The following TRMT11 variants were observed in gnomAD, a reference collection of about 807,000 sequenced individuals.
TRMT11 encodes the protein tRNA methyltransferase 11.
Under a neutral mutation model 62.8 loss-of-function variants are expected in TRMT11, and 53 were observed. The ratio of observed to expected loss-of-function variants is 0.84; its 90% CI spans 0.68 to 1.06. TRMT11 has a LOEUF of 1.06. Ranked by LOEUF, TRMT11 falls within the 50% of genes least tolerant of loss-of-function variation. The pLI is 0.00. For synonymous variants in TRMT11, 188 were observed against 190.3 expected (o/e 0.99, Z 0.10); for missense variants, 556 against 553.4 (o/e 1.00, Z -0.05).
At chr6:126,036,589 A>G (rs949092846) in intron 12 of TRMT11, among the ~76,000 whole-genome samples, 1 of 152,102 alleles carries the variant, frequency 6.6e-6, no homozygotes, top group East Asian at 1.9e-4. Context: ...GATGGGGAAC[A>G]ATGCCAAGAA....
intron 17 of TRMT11, among the ~76,000 whole-genome samples, chr6:126,095,840 G>T (rs1414524998): frequency 6.6e-6 from 1 of 152,180 alleles, no homozygotes; most frequent in Non-Finnish European, 1.5e-5. Flanking sequence ...AAGAGAGAAG[G>T]AGAGAGCTTT....
At chr6:126,238,283 G>A in the TRMT11 span, among the ~76,000 whole-genome samples, 1 of 152,110 alleles carries the variant, frequency 6.6e-6, no homozygotes, top group African/African-American at 2.4e-5. Context: ...TGCTTCTCTA[G>A]TACTTTTAAT....
intron 17 of TRMT11, among the ~76,000 whole-genome samples, chr6:126,095,041 A>G (rs1459471435): frequency 1.3e-5 from 2 of 152,190 alleles, no homozygotes; most frequent in Non-Finnish European, 2.9e-5. Flanking sequence ...CTACATTAAG[A>G]CGAACTATGA....
intron 3 of TRMT11, among the ~76,000 whole-genome samples, chr6:125,997,640 T>TG (rs1190367714): frequency 6.6e-6 from 1 of 152,192 alleles, no homozygotes; most frequent in Non-Finnish European, 1.5e-5. Context: ...CCCAAGTAGC[T>TG]GGGGCTATGG....
Position 126,093,618 on chromosome 6 carries a change from TATA to T in TRMT11, c.*1438-19247_*1438-19245del, listed in dbSNP as rs1261412121. Among the ~76,000 whole-genome samples, 287 of 95,462 alleles carry T rather than the reference TATA, an allele frequency of 3.0e-3. 21 individuals carry two copies. The highest frequency in any genetic ancestry group is 0.013 in the African/African-American group (197 of 15,180). The allele number at this position is 95,462 out of a possible 152,430, so 62.6% of individuals were successfully genotyped here. A position where few individuals can be genotyped will look rare whatever the true frequency, so the allele number is the denominator to read the frequency against. ...ATATATATATATATATATATATATA[TATA>T]TATATATATATTTTCCCCCAGTCCT... On this transcript the variant is annotated intron_variant and NMD_transcript_variant, in intron 17 of 22. Transcript: ENST00000648977.
chr6:126,119,081 C>A (rs1777619640), intron 21 of TRMT11, among the ~76,000 whole-genome samples: 1 of 152,070 alleles, frequency 6.6e-6, no homozygotes, highest in Non-Finnish European at 1.5e-5. Flanking sequence ...ATATGCCATT[C>A]ACTTCCCATA....
At chr6:126,096,895 A>G (rs1444386799) in intron 17 of TRMT11, among the ~76,000 whole-genome samples, 1 of 152,228 alleles carries the variant, frequency 6.6e-6, no homozygotes, top group Non-Finnish European at 1.5e-5. Context: ...GAAGCTCATT[A>G]TAACAGAAAT....
intron 1 of TRMT11, among the ~76,000 whole-genome samples, chr6:126,188,057 A>G (rs977294395): frequency 2.6e-5 from 4 of 151,852 alleles, no homozygotes; most frequent in Non-Finnish European, 5.9e-5. Flanking sequence ...GAGGTAGCCA[A>G]TGATTTTTTA....
At chr6:126,258,167 T>C in the TRMT11 span, 1 of 726,866 alleles carries the variant, frequency 1.4e-6, no homozygotes, top group Non-Finnish European at 2.6e-6. Context: ...TGAGGCACTT[T>C]GTAGCTCCTT....
At chr6:126,242,101 T>G in the TRMT11 span, among the ~76,000 whole-genome samples, 1 of 152,136 alleles carries the variant, frequency 6.6e-6, no homozygotes, top group Non-Finnish European at 1.5e-5. Flanking sequence ...GGATACAAAA[T>G]CAATGTGCAA....
At chr6:126,150,726 G>A (rs574108118) in intron 21 of TRMT11, among the ~76,000 whole-genome samples, 3 of 152,204 alleles carry the variant, frequency 2.0e-5, no homozygotes, top group East Asian at 3.9e-4. Context: ...GTGTTTCAGC[G>A]GCCATTAAAA....
chr6:126,235,179 C>T, the TRMT11 span, among the ~76,000 whole-genome samples: 1 of 152,086 alleles, frequency 6.6e-6, no homozygotes, highest in Non-Finnish European at 1.5e-5. Flanking sequence ...GTCAGAATGG[C>T]TATTACTAAA....
intron 3 of TRMT11, among the ~76,000 whole-genome samples, chr6:126,200,284 G>A (rs1778719727): frequency 6.6e-6 from 1 of 152,212 alleles, no homozygotes. Flanking sequence ...CTGGAAGCTT[G>A]AAGAAAGCAA....
chr6:126,153,375 T>C (rs1223731109), intron 21 of TRMT11, among the ~76,000 whole-genome samples: 1 of 152,222 alleles, frequency 6.6e-6, no homozygotes, highest in African/African-American at 2.4e-5. Flanking sequence ...TAGGCAAAAT[T>C]TGACATTGAA....
chr6:126,130,966 C>T (rs566802769), intron 21 of TRMT11, among the ~76,000 whole-genome samples: 1 of 152,066 alleles, frequency 6.6e-6, no homozygotes, highest in African/African-American at 2.4e-5. Context: ...TATCTATTAG[C>T]CTTCAGGAGA....
At chr6:126,132,147 T>C (rs1179323670) in intron 21 of TRMT11, among the ~76,000 whole-genome samples, 2 of 152,094 alleles carry the variant, frequency 1.3e-5, no homozygotes, top group Non-Finnish European at 2.9e-5. Context: ...CCACAGTTTT[T>C]AACAGTTTTA....
intron 2 of TRMT11, among the ~76,000 whole-genome samples, chr6:125,994,587 A>G (rs1007361560): frequency 1.3e-5 from 2 of 152,156 alleles, no homozygotes; most frequent in African/African-American, 4.8e-5. Flanking sequence ...TAGGGTAAAT[A>G]TTGGAAGAAA....
chr6:126,075,129 T>C (rs1776981505), intron 17 of TRMT11, among the ~76,000 whole-genome samples: 1 of 152,128 alleles, frequency 6.6e-6, no homozygotes, highest in Non-Finnish European at 1.5e-5. Context: ...AAAACACATA[T>C]TGTCTGCAAA....
chr6:126,118,734 C>T (rs1777616501), intron 21 of TRMT11, among the ~76,000 whole-genome samples: 1 of 152,006 alleles, frequency 6.6e-6, no homozygotes, highest in Admixed American at 6.6e-5. Flanking sequence ...TAAAAATAAA[C>T]TTTCCTTATC....
Sources: allele counts gnomAD v4.1 joint callset (sites outside exome capture counted in the v4.1 genomes callset), GRCh38; gene constraint gnomAD v4.1.1; transcripts MANE v1.5; gene names NCBI Gene and HGNC (gene_info 2026-07-23, HGNC 2026-07-21).